ENAH: variants seen among roughly 807,000 people sequenced by gnomAD.
ENAH encodes ENAH actin regulator.
In ENAH, 23 loss-of-function variants were observed where a neutral mutation model predicts 78.7. The observed-to-expected ratio is 0.29, with a 90% confidence interval of 0.21 to 0.41. The LOEUF (loss-of-function observed/expected upper bound fraction) is 0.41, where lower values mean the gene tolerates loss of function less well. Among genes scored for constraint, ENAH ranks in the 10% least tolerant of loss-of-function variants. The pLI is 1.00. For synonymous variants in ENAH, 226 were observed against 241.0 expected (o/e 0.94, Z 0.58); for missense variants, 544 against 691.0 (o/e 0.79, Z 2.39).
chr1:225,531,074 G>A lies in ENAH; in HGVS notation c.350-436C>T, dbSNP rs2096535129. The A allele has an allele frequency of 2.0e-5, 8 of 398,336 alleles. No individual in the cohort carries two copies. In the East Asian group the frequency reaches 2.5e-4, roughly 12 times the overall value. The allele number at this position is 398,336 out of a possible 1,614,324, so 24.7% of individuals were successfully genotyped here. On this transcript the variant is annotated intron_variant, in intron 3 of 13. Transcript: ENST00000366843. Reference sequence around the variant, plus strand: ...AATAGAACACTGGAAATGAAAAACAGGAGAGAGAGAGAGCATGAGAACCTT... The same window carrying A: ...AATAGAACACTGGAAATGAAAAACAAGAGAGAGAGAGAGCATGAGAACCTT...
chr1:225,598,774 T>C (rs922147828), intron 1 of ENAH, among the ~76,000 whole-genome samples: 11 of 151,264 alleles, frequency 7.3e-5, no homozygotes, highest in African/African-American at 1.9e-4. Context: ...GACAAAATTA[T>C]AGAAGAATGG....
At chr1:225,615,491 T>TGCCTGGCC (rs2097022420) in intron 1 of ENAH, among the ~76,000 whole-genome samples, 1 of 152,198 alleles carries the variant, frequency 6.6e-6, no homozygotes, top group South Asian at 2.1e-4. Flanking sequence ...GGAGCGTCTC[T>TGCCTGGCC]GCCTGGCCGC....
At chr1:225,606,848 A>G (rs1373906830) in intron 1 of ENAH, among the ~76,000 whole-genome samples, 124 of 147,986 alleles carry the variant, frequency 8.4e-4, no homozygotes, top group Non-Finnish European at 1.5e-3. Flanking sequence ...GTCTCAAAAA[A>G]AAAAAAAAAA....
chr1:225,600,801 G>C (rs1301732119), intron 1 of ENAH, among the ~76,000 whole-genome samples: 1 of 151,984 alleles, frequency 6.6e-6, no homozygotes, highest in African/African-American at 2.4e-5. Context: ...AGTAAGCTGT[G>C]ATCACAACAC....
intron 1 of ENAH, among the ~76,000 whole-genome samples, chr1:225,620,924 G>A (rs1398475042): frequency 6.6e-6 from 1 of 151,572 alleles, no homozygotes; most frequent in Non-Finnish European, 1.5e-5. Context: ...AGAATCGTTT[G>A]AACCTGGGAG....
chr1:225,553,635 A>C (rs1294866650), intron 3 of ENAH, among the ~76,000 whole-genome samples: 1 of 152,206 alleles, frequency 6.6e-6, no homozygotes, highest in African/African-American at 2.4e-5. Context: ...CAGTAAATGA[A>C]AAGCAATTCT....
At chr1:225,520,412 A>G (rs80072849) in intron 4 of ENAH, among the ~76,000 whole-genome samples, 6,544 of 152,322 alleles carry the variant, frequency 0.043, 230 homozygotes, top group South Asian at 0.11. Flanking sequence ...ATAAAGACAC[A>G]CATCTATATA....
chr1:225,612,060 T>A (rs2096992728), intron 1 of ENAH, among the ~76,000 whole-genome samples: 1 of 152,172 alleles, frequency 6.6e-6, no homozygotes, highest in African/African-American at 2.4e-5. Flanking sequence ...ACCTATCATG[T>A]AACCCGGCCA....
chr1:225,568,739 G>C (rs1040552335), intron 1 of ENAH, among the ~76,000 whole-genome samples: 14 of 152,210 alleles, frequency 9.2e-5, no homozygotes, highest in Non-Finnish European at 2.1e-4. Context: ...GAGGGATAAT[G>C]AAATGCAACT....
chr1:225,608,092 GA>G (rs1009920294), intron 1 of ENAH, among the ~76,000 whole-genome samples: 1 of 150,256 alleles, frequency 6.7e-6, no homozygotes, highest in African/African-American at 2.4e-5. Flanking sequence ...TCAAAGGGTC[GA>G]AAAAAAGATA....
intron 1 of ENAH, among the ~76,000 whole-genome samples, chr1:225,584,652 T>A (rs2096836409): frequency 6.6e-6 from 1 of 151,468 alleles, no homozygotes; most frequent in Non-Finnish European, 1.5e-5. Flanking sequence ...CCCACAGAGA[T>A]GCACTTTAAA....
Position 225,497,127 on chromosome 1 carries a change from C to A in ENAH, c.*648G>T, listed in dbSNP as rs2096253186. 6.6e-6 allele frequency: 1 copy of A among 152,616 alleles called. No homozygotes were observed. Among genetic ancestry groups the A allele is most frequent in the African/African-American group, 2.4e-5 (1 of 41,450 alleles). 9.5% of individuals were successfully genotyped at this position (152,616 alleles called of 1,614,324 possible). On this transcript the variant is annotated 3_prime_UTR_variant, in exon 14 of 14. Coordinates refer to ENST00000366843, the MANE Select transcript of ENAH (RefSeq NM_018212.6). Reference sequence around the variant, plus strand: ...TTTTATGTTTTAATCTACAAAATTGCATGAAGGCTAACTCGAGAAACTTCC... The same window carrying A: ...TTTTATGTTTTAATCTACAAAATTGAATGAAGGCTAACTCGAGAAACTTCC...
intron 11 of ENAH, chr1:225,505,182 C>A: frequency 1.9e-6 from 1 of 534,592 alleles, no homozygotes; most frequent in Admixed American, 3.5e-5. Flanking sequence ...CTTAAAATAA[C>A]CAATTTTTCC....
At chr1:225,653,686 G>T (rs1160051843), upstream of ENAH, among the ~76,000 whole-genome samples, 1 of 152,148 alleles carries the variant, frequency 6.6e-6, no homozygotes, top group African/African-American at 2.4e-5. This position sits in a 1 kb window ranked among gnomAD's most constrained non-coding sequence, Gnocchi z 4.3. Context: ...GGGTGCCCTC[G>T]CGCGGGGCGA....
chr1:225,646,614 C>A (rs964664723), intron 1 of ENAH, among the ~76,000 whole-genome samples: 6 of 151,868 alleles, frequency 4.0e-5, no homozygotes, highest in Non-Finnish European at 7.4e-5. Context: ...AGTGAAACCC[C>A]ATCTCAACTA....
At position 225,497,013 on chromosome 1, in the gene ENAH, C is replaced by T. The variant is rs1043345026; in HGVS notation, c.*762G>A. 7.9e-5 allele frequency: 12 copies of T among 152,576 alleles called. No individual in the cohort carries two copies. Among genetic ancestry groups the T allele is most frequent in the Non-Finnish European group, 5.9e-5 (4 of 68,028 alleles). The allele number at this position is 152,576 out of a possible 1,614,324, so 9.5% of individuals were successfully genotyped here. On this transcript the variant is annotated 3_prime_UTR_variant, in exon 14 of 14. Coordinates refer to ENST00000366843, the MANE Select transcript of ENAH (RefSeq NM_018212.6). ...TCTACAATATAGTGTTTACATTTGA[C>T]CACTGGTTTGTGTTATGTAGAAGTC...
intron 1 of ENAH, among the ~76,000 whole-genome samples, chr1:225,594,695 T>C (rs774367233): frequency 2.6e-5 from 4 of 152,222 alleles, no homozygotes; most frequent in Non-Finnish European, 5.9e-5. Flanking sequence ...AAATGGAACA[T>C]AATGCCCAGC....
chr1:225,625,023 T>C (rs1384768706), intron 1 of ENAH, among the ~76,000 whole-genome samples: 1 of 152,206 alleles, frequency 6.6e-6, no homozygotes, highest in African/African-American at 2.4e-5. Flanking sequence ...ACAATGGGGA[T>C]GTCAGATGTT....
chr1:225,546,852 A>T (rs1302602387), intron 3 of ENAH, among the ~76,000 whole-genome samples: 1 of 152,226 alleles, frequency 6.6e-6, no homozygotes, highest in Admixed American at 6.5e-5. Context: ...AACTATTTAA[A>T]GCCAGAATTG....
Sources: gnomAD v4.1 joint callset for allele counts (sites outside exome capture counted in the v4.1 genomes callset) on GRCh38, gnomAD v4.1.1 for gene constraint, Gnocchi (gnomAD v3.1) non-coding constraint, MANE v1.5 for transcripts, NCBI Gene and HGNC (gene_info 2026-07-23, HGNC 2026-07-21) for gene names.